CD109: variants seen among roughly 807,000 people sequenced by gnomAD.
The protein encoded by CD109 is CD109 molecule, also known as CD109 antigen.
A neutral mutation model predicts 165.8 loss-of-function variants in CD109; 149 were observed. The observed-to-expected ratio is 0.90, with a 90% CI of 0.79 to 1.03. The LOEUF is 1.03. Ranked by LOEUF, CD109 falls within the 50% of genes least tolerant of loss-of-function variation. CD109 has a pLI of 0.00. For synonymous variants in CD109, 585 were observed against 592.1 expected (o/e 0.99, Z 0.18); for missense variants, 1,712 against 1,677.8 (o/e 1.02, Z -0.36).
In CD109 at chr6:73,725,131, G is replaced by A. The variant is rs1408717972; in HGVS notation, c.276+1852G>A. Among the ~76,000 whole-genome samples the A allele has an allele frequency of 3.3e-5, 5 of 152,078 alleles. No individual in the cohort carries two copies. In the East Asian group the frequency reaches 7.7e-4, roughly 24 times the overall value. ...AAGGCATAAGCAGGCAGAAGTGGGG[G>A]AAAAAAACCCTGCAATCTTTGTGGC... On this transcript the variant is annotated intron_variant, in intron 3 of 32. Coordinates refer to ENST00000287097, the MANE Select transcript of CD109 (RefSeq NM_133493.5).
chr6:73,785,846 GTT>G (rs10583850), intron 20 of CD109, among the ~76,000 whole-genome samples: 52,882 of 133,606 alleles, frequency 0.4, 9,750 homozygotes, highest in African/African-American at 0.47. Context: ...CTGCAGTTTT[GTT>G]TTTTTTTTTT....
chr6:73,681,324 TTGTGTGTG>T, the CD109 span, among the ~76,000 whole-genome samples: 108 of 145,670 alleles, frequency 7.4e-4, no homozygotes, highest in African/African-American at 2.3e-3. Context: ...CAGTTACCAT[TTGTGTGTG>T]TGTGTGTGTG....
At chr6:73,814,422 C>T (rs1775859161) in intron 29 of CD109, among the ~76,000 whole-genome samples, 1 of 152,098 alleles carries the variant, frequency 6.6e-6, no homozygotes, top group South Asian at 2.1e-4. Context: ...TCTACGGCAC[C>T]TTTAACATCA....
chr6:73,763,918 A>G (rs557233178), intron 10 of CD109, among the ~76,000 whole-genome samples: 5 of 152,030 alleles, frequency 3.3e-5, no homozygotes, highest in Non-Finnish European at 7.4e-5. Flanking sequence ...ATTTTTTTTT[A>G]CAAGCAATTT....
At chr6:73,700,406 C>A (rs930718391) in intron 2 of CD109, among the ~76,000 whole-genome samples, 2 of 151,980 alleles carry the variant, frequency 1.3e-5, no homozygotes, top group Non-Finnish European at 2.9e-5. Flanking sequence ...CCACCCCCAG[C>A]CCCCCAACAG....
At chr6:73,739,847 A>T (rs1475217441) in intron 5 of CD109, among the ~76,000 whole-genome samples, 1 of 150,698 alleles carries the variant, frequency 6.6e-6, no homozygotes, top group East Asian at 1.9e-4. Flanking sequence ...TACTCTGGCT[A>T]AAAAAAAAGG....
chr6:73,764,880 G>T (rs569438073), intron 10 of CD109, among the ~76,000 whole-genome samples: 1 of 152,000 alleles, frequency 6.6e-6, no homozygotes, highest in East Asian at 1.9e-4. Flanking sequence ...TGTTGAATGG[G>T]TCGGTAGACG....
intron 20 of CD109, among the ~76,000 whole-genome samples, chr6:73,785,841 GTTTTGT>G: frequency 7.4e-6 from 1 of 135,732 alleles, no homozygotes; most frequent in Admixed American, 7.8e-5. Flanking sequence ...GCCCACTGCA[GTTTTGT>G]TTTTTTTTTT....
rs190872427 is a variant in CD109, at chr6:73,742,950, G to A, written c.633+6442G>A. Among the ~76,000 whole-genome samples, 345 of 152,316 alleles carry A rather than the reference G, an allele frequency of 2.3e-3. 2 individuals are homozygous for A. Among genetic ancestry groups the A allele is most frequent in the Non-Finnish European group, 3.6e-3 (248 of 68,034 alleles). On this transcript the variant is annotated intron_variant, in intron 5 of 32. Transcript: ENST00000287097. ...CACATTTTGAGAAGTGCTCATAAAT[G>A]CCCGCAGCTAGGCATCTTTAGAATC...
At chr6:73,810,549 T>C (rs1775716905) in intron 27 of CD109, among the ~76,000 whole-genome samples, 5 of 151,994 alleles carry the variant, frequency 3.3e-5, no homozygotes, top group African/African-American at 1.2e-4. Flanking sequence ...TTTTCTTCTT[T>C]TTGGAAAGGA....
At position 73,757,177 on chromosome 6, in the gene CD109, T is replaced by C. The variant is rs367603744; in HGVS notation, c.673+495T>C. 5.3e-4 allele frequency among the ~76,000 whole-genome samples: 81 copies of C among 152,322 alleles called. 1 individual carries two copies. The highest frequency in any genetic ancestry group is 1.9e-3 in the African/African-American group (79 of 41,574). ...GGAATGAGAGATGAGACTGAAAGCA[T>C]AGGATCTTAGTATTAGTTATAATTT... On this transcript the variant is annotated intron_variant, in intron 6 of 32. Transcript: ENST00000287097.
chr6:73,771,651 T>A (rs1774039748), intron 15 of CD109, 70 bp downstream of exon 15: 2 of 1,035,100 alleles, frequency 1.9e-6, no homozygotes, highest in Non-Finnish European at 2.7e-6. Flanking sequence ...ATTGTACTAC[T>A]TTAAATATTT....
intron 23 of CD109, among the ~76,000 whole-genome samples, chr6:73,801,396 T>C (rs1003477069): frequency 2.0e-5 from 3 of 152,266 alleles, no homozygotes; most frequent in African/African-American, 7.2e-5. Flanking sequence ...GGCTAATTAC[T>C]GCACCGTAAT....
chr6:73,708,148 C>T (rs956542908), intron 2 of CD109, among the ~76,000 whole-genome samples: 1 of 151,958 alleles, frequency 6.6e-6, no homozygotes, highest in African/African-American at 2.4e-5. Context: ...TCCCTTCCCC[C>T]TTCCCCCATC....
rs578241976 is a variant in CD109, at chr6:73,712,195, C to T, written c.248-11056C>T. Among the ~76,000 whole-genome samples the T allele has an allele frequency of 2.1e-3, 244 of 116,514 alleles. 2 individuals are homozygous for T. The highest frequency in any genetic ancestry group is 6.8e-3 in the African/African-American group (218 of 31,884). 76.4% of individuals were successfully genotyped at this position (116,514 alleles called of 152,430 possible). On this transcript the variant is annotated intron_variant, in intron 2 of 32. Coordinates refer to ENST00000287097, the MANE Select transcript of CD109 (RefSeq NM_133493.5). Reference sequence around the variant, plus strand: ...CTGCACTCCAGCCTGGGCAACGAAGCGAGACTCCGTCTCAAAAAAAAAAAA... The same window carrying T: ...CTGCACTCCAGCCTGGGCAACGAAGTGAGACTCCGTCTCAAAAAAAAAAAA...
chr6:73,688,761 GTT>G, the CD109 span, among the ~76,000 whole-genome samples: 1,465 of 73,284 alleles, frequency 0.02, 3 homozygotes, highest in Middle Eastern at 0.052. Flanking sequence ...GTTTTTCTTT[GTT>G]TTTTTTTTTT....
chr6:73,763,632 G>T lies in CD109; in HGVS notation c.1054G>T (p.Glu352Ter). ...CTTCAAGCAACATGATTACATCATT[G>T]AGTTTTTTGATTATACTACTGTCTT... is the stretch of plus-strand genomic sequence containing the variant. Reference protein sequence around the residue: ...VFFKQHDYIIEFFDYTTVLKP... With the variant: ...VFFKQHDYII The change falls in exon 10 of 33, where the codon GAG becomes TAG. Residue 352 changes from glutamate to a stop codon, truncating the protein, a stop_gained. Coordinates refer to ENST00000287097, the MANE Select transcript of CD109 (RefSeq NM_133493.5). LOFTEE classifies it high-confidence loss of function. 6.3e-7 allele frequency: 1 copy of T among 1,596,138 alleles called. No homozygotes were observed. The highest frequency in any genetic ancestry group is 1.2e-5 in the South Asian group (1 of 86,750).
chr6:73,792,581 G>A lies in CD109; in HGVS notation c.2702-45G>A, dbSNP rs1297143263. On this transcript the variant is annotated intron_variant, in intron 22 of 32. Transcript: ENST00000287097. The stretch of plus-strand genomic sequence containing the variant: ...GTCTCTTTGCCACCAGCAGGTCGTT[G>A]TTACTGAGTATTTACTGAATGAACT... 5.1e-6 allele frequency: 8 copies of A among 1,575,874 alleles called. No homozygotes were observed. The Admixed American group carries it at 1.4e-4, about 27-fold the overall frequency.
At chr6:73,781,406 A>G in intron 17 of CD109, 87 bp downstream of exon 17, 2 of 1,128,964 alleles carry the variant, frequency 1.8e-6, no homozygotes, top group Non-Finnish European at 2.6e-6. Context: ...TTTTAGATGA[A>G]CATAGAGATT....
Sources: allele counts gnomAD v4.1 joint callset (sites outside exome capture counted in the v4.1 genomes callset), GRCh38; gene constraint gnomAD v4.1.1; transcripts MANE v1.5; gene names NCBI Gene and HGNC (gene_info 2026-07-23, HGNC 2026-07-21).